Variants in TUB observed in about 807,000 individuals in gnomAD.
The protein encoded by TUB is tubby protein homolog.
A neutral mutation model predicts 59.7 loss-of-function variants in TUB; 33 were observed. That is an observed-to-expected ratio of 0.55 (90% CI 0.42 to 0.74). The LOEUF is 0.74. Ranked by LOEUF, TUB falls within the 30% of genes least tolerant of loss-of-function variation. The pLI is 0.00. For synonymous variants in TUB, 293 were observed against 256.4 expected, an observed-to-expected ratio of 1.14 and a Z score of -1.36; for missense variants, 659 against 672.0, an observed-to-expected ratio of 0.98 and a Z score of 0.21.
chr11:8,030,153 C>T (rs1265661870), intron 1 of TUB, among the ~76,000 whole-genome samples: 2 of 152,036 alleles, frequency 1.3e-5, no homozygotes, highest in Admixed American at 1.3e-4. Context: ...GACTTGCCCG[C>T]GCTGAAGTTT....
intron 1 of TUB, among the ~76,000 whole-genome samples, chr11:8,086,588 G>A (rs540495970): frequency 3.9e-5 from 6 of 152,206 alleles, no homozygotes; most frequent in African/African-American, 1.4e-4. Flanking sequence ...CTAGGTAATC[G>A]TGGTCCCATC....
intron 2 of TUB, among the ~76,000 whole-genome samples, chr11:8,061,389 G>T (rs1263817185): frequency 1.3e-5 from 2 of 152,174 alleles, no homozygotes; most frequent in Admixed American, 1.3e-4. Flanking sequence ...GGATGAGAGA[G>T]CTGGCCTCAG....
At chr11:8,057,012 G>A (rs1391133279) in intron 2 of TUB, among the ~76,000 whole-genome samples, 1 of 152,116 alleles carries the variant, frequency 6.6e-6, no homozygotes, top group Non-Finnish European at 1.5e-5. Flanking sequence ...GAAACAAGCT[G>A]GCTGGATCAC....
At chr11:8,037,646 G>C (rs1252377540), upstream of TUB, among the ~76,000 whole-genome samples, 1 of 152,206 alleles carries the variant, frequency 6.6e-6, no homozygotes, top group Non-Finnish European at 1.5e-5. Flanking sequence ...GGACATGGAG[G>C]GGAAGTAGTG....
chr11:8,056,612 A>G lies in TUB; in HGVS notation c.203+16920A>G, dbSNP rs112946599. Among the ~76,000 whole-genome samples, 1,099 of 152,070 alleles carry G rather than the reference A, an allele frequency of 7.2e-3. 11 individuals carry two copies. The highest frequency in any genetic ancestry group is 0.025 in the African/African-American group (1,043 of 41,456). On this transcript the variant is annotated intron_variant, in intron 2 of 12. Coordinates refer to the TUB transcript ENST00000305253. ...GCACACGAAGGAATTTTGGGTACAT[A>G]TGCGCATGGGAGCCTTTGTGGGGTG... is the stretch of plus-strand genomic sequence containing the variant.
chr11:8,039,267 C>T (rs1362835477), intron 1 of TUB, among the ~76,000 whole-genome samples: 5 of 152,272 alleles, frequency 3.3e-5, no homozygotes, highest in East Asian at 1.9e-4. Flanking sequence ...GGGAGGTCCC[C>T]CACCATGGGA....
At chr11:8,089,416 T>TC (rs1421872553) in intron 1 of TUB, among the ~76,000 whole-genome samples, 194 bp from the exon 2 acceptor site, 7 of 152,124 alleles carry the variant, frequency 4.6e-5, no homozygotes, top group Non-Finnish European at 8.8e-5. Context: ...AAGTGGCAGC[T>TC]CGAGCCCTTT....
Position 8,022,133 on chromosome 11 carries a change from G to A in TUB, c.56+2775G>A, listed in dbSNP as rs914821103. Among the ~76,000 whole-genome samples the A allele has an allele frequency of 5.3e-5, 8 of 152,188 alleles. No homozygotes were observed. The South Asian group carries it at 6.2e-4, about 12-fold the overall frequency. ...GGGCTCAATGTTTGTTTAAAACTTC[G>A]CAGTTGATTGTGCTGCAGCTGGTTT... On this transcript the variant is annotated intron_variant, in intron 1 of 11. Coordinates refer to the TUB transcript ENST00000534099.
chr11:8,093,676 C>T (rs1259859807), intron 3 of TUB, among the ~76,000 whole-genome samples: 1 of 152,192 alleles, frequency 6.6e-6, no homozygotes, highest in East Asian at 1.9e-4. Context: ...AGCCTTTGTT[C>T]TTTCTTCCCC....
At chr11:8,067,223 C>T (rs1350185347) in intron 2 of TUB, among the ~76,000 whole-genome samples, 3 of 152,196 alleles carry the variant, frequency 2.0e-5, no homozygotes, top group East Asian at 1.9e-4. Context: ...ATATGAGAGC[C>T]GGCACAGGGC....
chr11:8,067,592 A>G (rs1943270393), intron 2 of TUB: 1 of 152,044 alleles, frequency 6.6e-6, no homozygotes, highest in South Asian at 2.1e-4. Flanking sequence ...TATTTATTAA[A>G]CTCCTGTTTT....
intron 2 of TUB, among the ~76,000 whole-genome samples, chr11:8,044,314 T>C (rs1296224658): frequency 2.0e-5 from 3 of 152,240 alleles, no homozygotes; most frequent in African/African-American, 7.2e-5. Context: ...ATCTTTGCTT[T>C]GCAGTGTCTA....
At position 8,097,384 on chromosome 11, in the gene TUB, C is replaced by G; in HGVS notation, c.844C>G (p.Pro282Ala). The G allele has an allele frequency of 6.2e-7, 1 of 1,614,188 alleles. No individual in the cohort carries two copies. The highest frequency in any genetic ancestry group is 8.5e-7 in the Non-Finnish European group (1 of 1,180,022). ...DKKGMDRGMY[P>A]TYFLHLDRED... is the part of the protein sequence containing the mutation. Reference sequence around the variant, plus strand: ...GAAAGGGATGGACCGGGGCATGTACCCCACCTACTTTCTGCACCTGGACCG... The same window carrying G: ...GAAAGGGATGGACCGGGGCATGTACGCCACCTACTTTCTGCACCTGGACCG... The change falls in exon 7 of 12, where the codon CCC (proline) becomes GCC (alanine). Residue 282 changes from proline to alanine, a missense_variant. Coordinates refer to ENST00000299506, the MANE Select transcript of TUB (RefSeq NM_177972.3).
chr11:8,084,337 T>C (rs1030404236), intron 1 of TUB, among the ~76,000 whole-genome samples: 1 of 152,230 alleles, frequency 6.6e-6, no homozygotes, highest in East Asian at 1.9e-4. Context: ...AAGGGAGCCA[T>C]TGAGTTTATA....
chr11:8,077,224 T>G (rs772903224), upstream of TUB: 1 of 152,240 alleles, frequency 6.6e-6, no homozygotes, highest in Non-Finnish European at 1.5e-5. Context: ...ATTCTTGGCT[T>G]AAAACCCTCT....
exon 1 of TUB, chr11:8,038,950 C>T (rs772757503): frequency 6.2e-7 from 1 of 1,614,090 alleles, no homozygotes; most frequent in Non-Finnish European, 8.5e-7. Context: ...CCAGGAGGCA[C>T]TCCCTGGCCC....
chr11:8,063,051 G>A lies in TUB; in HGVS notation c.203+23359G>A, dbSNP rs72848428. On this transcript the variant is annotated intron_variant, in intron 2 of 12. Transcript: ENST00000305253. ...GGTGCGACAGAGCATCAGGGCCAGG[G>A]ACTGCCCCATCACAGTGTCTGGGCC... Among the ~76,000 whole-genome samples, 924 of 152,316 alleles carry A rather than the reference G, an allele frequency of 6.1e-3. 3 individuals are homozygous for A. Among genetic ancestry groups the A allele is most frequent in the Non-Finnish European group, 9.9e-3 (672 of 68,030 alleles).
upstream of TUB, among the ~76,000 whole-genome samples, chr11:8,038,419 C>T (rs552674002): frequency 1.3e-5 from 2 of 152,256 alleles, no homozygotes; most frequent in Admixed American, 6.5e-5. Flanking sequence ...GTGTGCCCCT[C>T]CCAGCACACA....
chr11:8,084,534 G>T (rs1473383001), intron 1 of TUB, among the ~76,000 whole-genome samples: 1 of 152,222 alleles, frequency 6.6e-6, no homozygotes, highest in Non-Finnish European at 1.5e-5. Context: ...CGTATTGGAG[G>T]ACTATGCTGG....
Sources: allele counts gnomAD v4.1 joint callset (sites outside exome capture counted in the v4.1 genomes callset), GRCh38; gene constraint gnomAD v4.1.1; transcripts MANE v1.5; gene names NCBI Gene and HGNC (gene_info 2026-07-23, HGNC 2026-07-21).